The following INSL6 variants were observed in gnomAD, a reference collection of about 807,000 sequenced individuals.
INSL6 encodes the protein insulin-like peptide INSL6.
A neutral mutation model predicts 9.4 loss-of-function variants in INSL6; 16 were observed. The observed-to-expected ratio is 1.70, with a 90% CI of 1.15 to 2.59. The LOEUF is 2.59. INSL6 is among the 30% of genes most tolerant of loss of function. The probability of loss-of-function intolerance (pLI) is 0.00; values close to 1 mark genes in which losing one functional copy is unlikely to be tolerated. For synonymous variants in INSL6, 154 were observed against 96.9 expected (o/e 1.59, Z -3.46); for missense variants, 391 against 257.3 (o/e 1.52, Z -3.56).
At chr9:5,149,193 C>T (rs917628182) in intron 2 of INSL6, among the ~76,000 whole-genome samples, 4 of 152,370 alleles carry the variant, frequency 2.6e-5, no homozygotes, top group Admixed American at 6.5e-5. Flanking sequence ...CCTAGAGGTA[C>T]ATGGCGAGAG....
At chr9:5,074,971 C>T in the INSL6 span, among the ~76,000 whole-genome samples, 1 of 152,168 alleles carries the variant, frequency 6.6e-6, no homozygotes, top group Non-Finnish European at 1.5e-5. Flanking sequence ...ACATAAATTA[C>T]AAGAAAGTGA....
At chr9:5,062,906 CTTTT>C in the INSL6 span, among the ~76,000 whole-genome samples, 1 of 151,926 alleles carries the variant, frequency 6.6e-6, no homozygotes, top group African/African-American at 2.4e-5. Context: ...GACTAGTTTT[CTTTT>C]TTTATTTTTA....
At chr9:5,141,420 T>C (rs569166057) in intron 2 of INSL6, among the ~76,000 whole-genome samples, 12 of 152,232 alleles carry the variant, frequency 7.9e-5, no homozygotes, top group Non-Finnish European at 1.6e-4. Context: ...TGGTATCTCA[T>C]CGTAGTTATG....
chr9:5,072,046 A>C, the INSL6 span, among the ~76,000 whole-genome samples: 1 of 152,192 alleles, frequency 6.6e-6, no homozygotes, highest in Non-Finnish European at 1.5e-5. Flanking sequence ...CAGATGAAGA[A>C]ACCACGACAG....
At chr9:5,018,659 C>G in the INSL6 span, among the ~76,000 whole-genome samples, 3 of 152,160 alleles carry the variant, frequency 2.0e-5, no homozygotes, top group African/African-American at 4.8e-5. Context: ...CTTTGACTTC[C>G]ATATGTAGAA....
the INSL6 span, among the ~76,000 whole-genome samples, chr9:5,012,694 A>G: frequency 1.3e-5 from 2 of 152,244 alleles, no homozygotes; most frequent in Non-Finnish European, 2.9e-5. Flanking sequence ...CCTGCTAAGA[A>G]TAGATCGTTT....
chr9:5,033,470 A>G, the INSL6 span, among the ~76,000 whole-genome samples: 1 of 152,214 alleles, frequency 6.6e-6, no homozygotes, highest in Non-Finnish European at 1.5e-5. Flanking sequence ...GAAGGAAAAA[A>G]TGTTAAGGGC....
At chr9:5,119,772 T>C (rs1188658498), downstream of INSL6, among the ~76,000 whole-genome samples, 1 of 152,162 alleles carries the variant, frequency 6.6e-6, no homozygotes, top group African/African-American at 2.4e-5. Flanking sequence ...TTTTTCCTCA[T>C]GATCAAAATT....
the INSL6 span, among the ~76,000 whole-genome samples, chr9:5,066,147 T>G: frequency 6.6e-6 from 1 of 152,168 alleles, no homozygotes; most frequent in South Asian, 2.1e-4. Flanking sequence ...GATTATATTT[T>G]GCTTTTCTTT....
the INSL6 span, among the ~76,000 whole-genome samples, chr9:5,053,161 A>G: frequency 6.6e-6 from 1 of 151,970 alleles, no homozygotes; most frequent in Non-Finnish European, 1.5e-5. Flanking sequence ...TCTGTATTTT[A>G]TCCATCCTAG....
the INSL6 span, chr9:5,111,920 C>A: frequency 2.8e-6 from 1 of 352,272 alleles, no homozygotes. Flanking sequence ...TGGCCTCAAT[C>A]TACTCTCCGG....
chr9:5,131,708 G>C (rs569519988), intron 3 of INSL6, among the ~76,000 whole-genome samples: 1 of 152,174 alleles, frequency 6.6e-6, no homozygotes, highest in South Asian at 2.1e-4. Flanking sequence ...CCAAAGTGCT[G>C]GGATTACAGG....
the INSL6 span, among the ~76,000 whole-genome samples, chr9:5,022,678 G>A: frequency 2.0e-5 from 3 of 152,160 alleles, no homozygotes; most frequent in Non-Finnish European, 4.4e-5. Context: ...TATGTCTTTG[G>A]TGTATCTTGA....
the INSL6 span, chr9:5,072,487 T>C: frequency 1.1e-5 from 17 of 1,540,172 alleles, no homozygotes; most frequent in Non-Finnish European, 1.5e-5. Context: ...CTTTTTCTCT[T>C]GAAGAATGAA....
the INSL6 span, among the ~76,000 whole-genome samples, chr9:5,079,224 C>T: frequency 2.6e-5 from 4 of 152,018 alleles, no homozygotes; most frequent in South Asian, 2.1e-4. Flanking sequence ...CCTTTGGAAT[C>T]GGAAGTGAAG....
the INSL6 span, chr9:5,089,727 T>G: frequency 1.9e-6 from 3 of 1,579,870 alleles, no homozygotes; most frequent in Non-Finnish European, 2.6e-6. Context: ...AGGACAACAC[T>G]GGGGAGGTGG....
the INSL6 span, among the ~76,000 whole-genome samples, chr9:5,088,777 A>G: frequency 6.6e-6 from 1 of 152,148 alleles, no homozygotes; most frequent in Non-Finnish European, 1.5e-5. Flanking sequence ...CATGGGAGAG[A>G]GAGATTGCTC....
the INSL6 span, among the ~76,000 whole-genome samples, chr9:5,071,693 A>G: frequency 9.9e-5 from 15 of 152,170 alleles, no homozygotes; most frequent in Non-Finnish European, 7.4e-5. Flanking sequence ...GACCCAACTC[A>G]TATCTGAGCT....
At chr9:5,121,338 TTAAC>T (rs1823603923), downstream of INSL6, among the ~76,000 whole-genome samples, 1 of 152,204 alleles carries the variant, frequency 6.6e-6, no homozygotes, top group South Asian at 2.1e-4. Context: ...AGGATAAACA[TTAAC>T]TAGTCCTCAA....
Sources: gnomAD v4.1 joint callset for allele counts (sites outside exome capture counted in the v4.1 genomes callset) on GRCh38, gnomAD v4.1.1 for gene constraint, MANE v1.5 for transcripts, NCBI Gene and HGNC (gene_info 2026-07-23, HGNC 2026-07-21) for gene names.